The following MYO15A variants were observed in gnomAD, a reference collection of about 807,000 sequenced individuals.
The protein encoded by MYO15A is myosin XVA, also known as unconventional myosin-XV.
A neutral mutation model predicts 394.6 loss-of-function variants in MYO15A; 308 were observed. That is an observed-to-expected ratio of 0.78 (90% CI 0.71 to 0.86). The LOEUF is 0.86. MYO15A is among the 40% of genes least tolerant of loss of function. The pLI, the probability that MYO15A is intolerant of heterozygous loss-of-function variation, is 0.00. For missense variants in MYO15A, 4,606 were observed against 4,799.1 expected, an observed-to-expected ratio of 0.96 and a Z score of 1.19; for synonymous variants, 1,957 against 2,003.8, an observed-to-expected ratio of 0.98 and a Z score of 0.62.
intron 45 of MYO15A, 62 bp downstream of exon 45, chr17:18,154,817 T>A: frequency 1.3e-6 from 2 of 1,559,736 alleles, no homozygotes; most frequent in Non-Finnish European, 1.8e-6. Context: ...GCCAGCCCTG[T>A]CCCAGAGGGA....
At chr17:18,156,849 C>A in intron 48 of MYO15A, 105 bp from the exon 49 acceptor site, 1 of 1,026,094 alleles carries the variant, frequency 9.7e-7, no homozygotes, top group East Asian at 2.4e-5. Context: ...ATGAAGGCTC[C>A]CTTCCCTGAT....
chr17:18,121,447 G>A lies in MYO15A; in HGVS notation c.2647G>A (p.Val883Met), dbSNP rs1259870429. The change falls in exon 2 of 66, where the codon GTG (valine) becomes ATG (methionine). Residue 883 changes from valine to methionine, a missense_variant. By Grantham distance (21) the Val-to-Met change is conservative (BLOSUM62 1). This residue lies in a region of MYO15A where 1,830 missense variants were observed against 1,689.7 expected (regional missense o/e 1.08). Coordinates refer to ENST00000647165, the MANE Select transcript of MYO15A (RefSeq NM_016239.4). This position sits in a 1 kb window ranked among gnomAD's most constrained non-coding sequence, Gnocchi z 5.3. ...RRLSEPPTRAVKPQVRLPFHR... is the reference protein window; with the variant it reads ...RRLSEPPTRAMKPQVRLPFHR... ...CCTCAGCGAGCCACCCACTCGGGCTGTGAAGCCGCAAGTGCGCCTGCCCTT... is the reference window on the plus strand; with the variant it reads ...CCTCAGCGAGCCACCCACTCGGGCTATGAAGCCGCAAGTGCGCCTGCCCTT... 5.8e-6 allele frequency: 9 copies of A among 1,547,914 alleles called. No homozygotes were observed. Among genetic ancestry groups the A allele is most frequent in the East Asian group, 2.4e-5 (1 of 40,982 alleles).
At chr17:18,113,326 A>T (rs937809900) in intron 1 of MYO15A, among the ~76,000 whole-genome samples, 1 of 152,026 alleles carries the variant, frequency 6.6e-6, no homozygotes, top group South Asian at 2.1e-4. Context: ...TCGGTTTGTT[A>T]TCTAGGGACA....
rs911323659 is a variant in MYO15A, at chr17:18,126,285, G to A, written c.3757-62G>A. Reference sequence around the variant, plus strand: ...CAGGGAGCCAGGCTCCCAGCATAGGGGAGGGAGGGACATAGAGGTCTGCAA... The same window carrying A: ...CAGGGAGCCAGGCTCCCAGCATAGGAGAGGGAGGGACATAGAGGTCTGCAA... On this transcript the variant is annotated intron_variant, in intron 4 of 65. Transcript: ENST00000647165. 2.7e-5 allele frequency: 36 copies of A among 1,345,590 alleles called. No homozygotes were observed. In the Middle Eastern group the frequency reaches 2.3e-3, roughly 87 times the overall value. 83.4% of individuals were successfully genotyped at this position (1,345,590 alleles called of 1,614,324 possible).
At chr17:18,131,931 C>T (rs893663515) in intron 10 of MYO15A, among the ~76,000 whole-genome samples, 1 of 152,196 alleles carries the variant, frequency 6.6e-6, no homozygotes, top group East Asian at 1.9e-4. Flanking sequence ...CTTTATTTCT[C>T]TCCAGTGTAC....
chr17:18,172,143 C>T lies in MYO15A; in HGVS notation c.10217-14C>T. 1.9e-6 allele frequency: 3 copies of T among 1,614,086 alleles called. No homozygotes were observed. The highest frequency in any genetic ancestry group is 2.5e-6 in the Non-Finnish European group (3 of 1,180,008). On this transcript the variant is annotated splice_polypyrimidine_tract_variant and intron_variant, in intron 63 of 65. Transcript: ENST00000647165. ...CTGCCCAGCACGTAACTGCCACCCC[C>T]TCTCCCTGCCCAGGCCTCCTCAGCG...
intron 1 of MYO15A, chr17:18,109,663 C>T (rs2045698012): frequency 6.6e-6 from 1 of 152,170 alleles, no homozygotes; most frequent in African/African-American, 2.4e-5. Context: ...GTTCTCATCA[C>T]CCTCCCTGAT....
intron 12 of MYO15A, among the ~76,000 whole-genome samples, chr17:18,134,799 T>A (rs2046234305): frequency 6.6e-6 from 1 of 152,256 alleles, no homozygotes. Context: ...TATGTCTAAT[T>A]CCAGACGTTC....
rs771820734 is a variant in MYO15A at position 18,151,467 on chromosome 17, T to C, written c.7727T>C (p.Ile2576Thr). Residue 2576 changes from isoleucine (I) to threonine (T), a missense_variant, in exon 40 of 66, where the codon ATC becomes ACC. This residue lies in a region of MYO15A where 2,776 missense variants were observed against 3,109.3 expected (regional missense o/e 0.89). Coordinates refer to ENST00000647165, the MANE Select transcript of MYO15A (RefSeq NM_016239.4). ...SEHFPQPTQQ[I>T]KNIVRQYQQP... ...CACTTCCCACAGCCCACACAGCAGATCAAGAATATTGTCAGGCAGTACCAG... is the reference window on the plus strand; with the variant it reads ...CACTTCCCACAGCCCACACAGCAGACCAAGAATATTGTCAGGCAGTACCAG... The C allele has an allele frequency of 6.2e-7, 1 of 1,614,110 alleles. No homozygotes were observed. The highest frequency in any genetic ancestry group is 1.1e-5 in the South Asian group (1 of 91,086).
In MYO15A at chr17:18,121,031, C is replaced by T; in HGVS notation, c.2231C>T (p.Ser744Leu). 1.3e-6 allele frequency: 2 copies of T among 1,509,848 alleles called. No homozygotes were observed. The highest frequency in any genetic ancestry group is 1.2e-5 in the South Asian group (1 of 81,446). The allele number at this position is 1,509,848 out of a possible 1,614,324, so 93.5% of individuals were successfully genotyped here. The change falls in exon 2 of 66, where the codon TCG becomes TTG. Residue 744 changes from serine to leucine, a missense_variant. This residue lies in a region of MYO15A where 1,830 missense variants were observed against 1,689.7 expected (regional missense o/e 1.08). Coordinates refer to ENST00000647165, the MANE Select transcript of MYO15A (RefSeq NM_016239.4). The surrounding 1 kb of genome is among the most constrained non-coding windows in gnomAD (Gnocchi z 5.3). ...CTAGCCTTCCCAGGGCCCCGACCCTCGTTCAGGGGCTCCCGCCGGAGAGGG... is the reference window on the plus strand; with the variant it reads ...CTAGCCTTCCCAGGGCCCCGACCCTTGTTCAGGGGCTCCCGCCGGAGAGGG... Reference protein sequence around the residue: ...DLLAFPGPRPSFRGSRRRGAA... With the variant: ...DLLAFPGPRPLFRGSRRRGAA...
chr17:18,146,729 A>T (rs935039028), intron 30 of MYO15A, among the ~76,000 whole-genome samples: 2 of 152,198 alleles, frequency 1.3e-5, no homozygotes, highest in Non-Finnish European at 2.9e-5. Flanking sequence ...GTTGAAGACC[A>T]GCCTGGACAA....
Position 18,119,911 on chromosome 17 carries a change from C to A in MYO15A, c.1111C>A (p.Pro371Thr), listed in dbSNP as rs200382813. Residue 371 changes from proline (P) to threonine (T), a missense_variant, in exon 2 of 66, where the codon CCC becomes ACC. Physicochemically the swap from Pro to Thr is conservative, Grantham distance 38. Coordinates refer to ENST00000647165, the MANE Select transcript of MYO15A (RefSeq NM_016239.4). ...HTPYDVPYFD[P>T]YGVHYTVPYA... ...TCCCTACGATGTACCCTACTTTGAT[C>A]CCTACGGAGTCCACTACACCGTCCC... 4,179 of 1,613,448 alleles carry A rather than the reference C, an allele frequency of 2.6e-3. 5 individuals are homozygous for A. The highest frequency in any genetic ancestry group is 3.3e-3 in the Non-Finnish European group (3,863 of 1,180,006).
rs956893358 is a variant in MYO15A, at chr17:18,166,589, C to T, written c.9948+68C>T. On this transcript the variant is annotated intron_variant, in intron 61 of 65. Transcript: ENST00000647165. ...CTCCCCTGGGCCTGTGAATCAGACT[C>T]CACAGCCTTGGTGTTTGAAGTGTTC... The T allele has an allele frequency of 8.8e-6, 14 of 1,587,554 alleles. No homozygotes were observed. In the South Asian group the frequency reaches 1.5e-4, roughly 18 times the overall value.
chr17:18,121,320 G>A lies in MYO15A; in HGVS notation c.2520G>A (p.Leu840=). 2 of 1,355,018 alleles carry A rather than the reference G, an allele frequency of 1.5e-6. No individual in the cohort carries two copies. The highest frequency in any genetic ancestry group is 1.9e-6 in the Non-Finnish European group (2 of 1,059,684). 83.9% of individuals were successfully genotyped at this position (1,355,018 alleles called of 1,614,324 possible). A position where few individuals can be genotyped will look rare whatever the true frequency, so the allele number is the denominator to read the frequency against. Residue 840 remains leucine (L), a synonymous_variant, in exon 2 of 66, where the codon CTG becomes CTA. Transcript: ENST00000647165. The surrounding 1 kb of genome is among the most constrained non-coding windows in gnomAD (Gnocchi z 5.3). ...AGRLGPPGSP[L]PGSPRPPSPP... is the part of the protein sequence containing the mutation. ...GCCTGGGCCCACCCGGCTCGCCGCT[G>A]CCGGGCTCACCCAGGCCGCCCTCGC...
intron 7 of MYO15A, among the ~76,000 whole-genome samples, chr17:18,127,844 T>TATAG (rs72448771): frequency 6.8e-6 from 1 of 146,964 alleles, no homozygotes; most frequent in Non-Finnish European, 1.5e-5. Flanking sequence ...GATATATATA[T>TATAG]ATATATATAT....
intron 29 of MYO15A, among the ~76,000 whole-genome samples, chr17:18,145,293 G>C (rs1375615534): frequency 1.3e-5 from 2 of 152,034 alleles, no homozygotes; most frequent in Admixed American, 1.3e-4. Context: ...AGGGCCAGGG[G>C]TGCAGGGAGG....
chr17:18,163,866 G>A (rs1009063307), intron 60 of MYO15A, 28 bp downstream of exon 60: 1 of 1,606,084 alleles, frequency 6.2e-7, no homozygotes, highest in Non-Finnish European at 8.5e-7. Context: ...TGAGCATGCT[G>A]GGCCCATTCC....
intron 12 of MYO15A, 37 bp from the exon 13 acceptor site, chr17:18,135,674 C>G: frequency 1.9e-6 from 3 of 1,586,690 alleles, no homozygotes; most frequent in Non-Finnish European, 2.6e-6. Flanking sequence ...TTTAGCCTAT[C>G]TAGTTCAAAG....
rs1452459042 is a variant in MYO15A, at chr17:18,122,324, A to G, written c.3524A>G (p.Gln1175Arg). The change falls in exon 2 of 66, where the codon CAG (glutamine) becomes CGG (arginine). Residue 1175 changes from glutamine to arginine, a missense_variant. Transcript: ENST00000647165. ...GPWPRVHTHP[Q>R]SCHLGPGAAC... ...TGGCCACGAGTACACACCCATCCCCAGTCCTGCCACCTGGGCCCTGGAGCT... is the reference window on the plus strand; with the variant it reads ...TGGCCACGAGTACACACCCATCCCCGGTCCTGCCACCTGGGCCCTGGAGCT... The G allele has an allele frequency of 1.2e-6, 2 of 1,612,858 alleles. No individual in the cohort carries two copies. The highest frequency in any genetic ancestry group is 2.2e-5 in the South Asian group (2 of 91,088).
Sources: allele counts gnomAD v4.1 joint callset (sites outside exome capture counted in the v4.1 genomes callset), GRCh38; gene constraint gnomAD v4.1.1; regional missense constraint gnomAD v4.1.1; non-coding constraint Gnocchi (gnomAD v3.1); transcripts MANE v1.5; gene names NCBI Gene and HGNC (gene_info 2026-07-23, HGNC 2026-07-21).